Variants in KIAA0586 observed in about 807,000 individuals in gnomAD.
KIAA0586 encodes the protein protein TALPID3.
KIAA0586 carries 144 observed loss-of-function variants against 169.8 expected under a neutral mutation model. The ratio of observed to expected loss-of-function variants is 0.85; its 90% confidence interval spans 0.74 to 0.97. The LOEUF (loss-of-function observed/expected upper bound fraction) is 0.97. KIAA0586 is among the 50% of genes least tolerant of loss of function. The pLI is 0.00. For missense variants in KIAA0586, 1,854 were observed against 1,823.0 expected (o/e 1.02, Z -0.31); for synonymous variants, 625 against 612.4 (o/e 1.02, Z -0.30).
rs1198366043 is a variant in KIAA0586, at chr14:58,458,548, A to G, written c.1656+3A>G. ...AAACTATTTCTGCAGAAATTCAGGT[A>G]TGTCTTGGAAAAAAACTGAAAATTA... On this transcript the variant is annotated splice_donor_region_variant and intron_variant, in intron 12 of 30. Transcript: ENST00000652326. 4 of 1,509,292 alleles carry G rather than the reference A, an allele frequency of 2.7e-6. No individual in the cohort carries two copies. Among genetic ancestry groups the G allele is most frequent in the Non-Finnish European group, 2.7e-6 (3 of 1,117,668 alleles). 93.5% of individuals were successfully genotyped at this position (1,509,292 alleles called of 1,614,324 possible). A position where few individuals can be genotyped will look rare whatever the true frequency, so the allele number is the denominator to read the frequency against.
In KIAA0586 at chr14:58,459,798, C is replaced by G. The variant is rs766286372; in HGVS notation, c.1657-45C>G. 2.8e-6 allele frequency: 3 copies of G among 1,056,524 alleles called. No individual in the cohort carries two copies. The South Asian group carries it at 4.8e-5, about 17-fold the overall frequency. The allele number at this position is 1,056,524 out of a possible 1,614,324, so 65.4% of individuals were successfully genotyped here. ...AATACTTTCTGATGTGAAAGCATTA[C>G]TATTTGTAGACATTTTAAGTAATTT... On this transcript the variant is annotated intron_variant, in intron 12 of 30. Coordinates refer to ENST00000652326, the MANE Select transcript of KIAA0586 (RefSeq NM_001329943.3).
intron 6 of KIAA0586, among the ~76,000 whole-genome samples, chr14:58,446,014 G>A (rs986847866): frequency 6.7e-5 from 10 of 150,368 alleles, no homozygotes; most frequent in Admixed American, 1.3e-4. Flanking sequence ...GATTACAGAC[G>A]CCCACCACCA....
chr14:58,525,156 T>C (rs888661522), intron 29 of KIAA0586, among the ~76,000 whole-genome samples: 1 of 152,132 alleles, frequency 6.6e-6, no homozygotes, highest in African/African-American at 2.4e-5. Context: ...ATGCTAAAGA[T>C]GGTACATGTT....
intron 19 of KIAA0586, among the ~76,000 whole-genome samples, chr14:58,476,693 G>T (rs10130421): frequency 0.11 from 14,105 of 130,830 alleles, 983 homozygotes; most frequent in African/African-American, 0.21. Context: ...TTTGAGACAG[G>T]GTCTCACTCT....
chr14:58,537,883 C>G (rs374017224), intron 29 of KIAA0586, among the ~76,000 whole-genome samples: 20 of 152,236 alleles, frequency 1.3e-4, no homozygotes, highest in Non-Finnish European at 2.1e-4. Context: ...TCCTGACCTC[C>G]TGATCTTCCC....
At chr14:58,472,147 A>G in intron 17 of KIAA0586, 52 bp from the exon 18 acceptor site, 1 of 911,450 alleles carries the variant, frequency 1.1e-6, no homozygotes, top group Non-Finnish European at 1.6e-6. Context: ...AATTACTTAT[A>G]AATTTTAAAA....
chr14:58,558,580 T>C, the KIAA0586 span, among the ~76,000 whole-genome samples: 1 of 152,238 alleles, frequency 6.6e-6, no homozygotes, highest in African/African-American at 2.4e-5. Flanking sequence ...GTCTGATGAT[T>C]TTTGCATATG....
At chr14:58,462,691 TG>T (rs2040426117) in intron 14 of KIAA0586, among the ~76,000 whole-genome samples, 1 of 152,240 alleles carries the variant, frequency 6.6e-6, no homozygotes, top group Non-Finnish European at 1.5e-5. Flanking sequence ...ATTAAGAGCC[TG>T]TATTAGTTCA....
the KIAA0586 span, among the ~76,000 whole-genome samples, chr14:58,556,481 C>T: frequency 6.6e-6 from 1 of 152,164 alleles, no homozygotes; most frequent in African/African-American, 2.4e-5. Context: ...CTACTTTTGT[C>T]TATACATACC....
At chr14:58,556,233 C>T (rs954547632), downstream of KIAA0586, among the ~76,000 whole-genome samples, 1 of 152,234 alleles carries the variant, frequency 6.6e-6, no homozygotes, top group Non-Finnish European at 1.5e-5. Flanking sequence ...CATTCATCCA[C>T]TTGGGCAGAC....
intron 21 of KIAA0586, among the ~76,000 whole-genome samples, chr14:58,485,855 A>G (rs79818851): frequency 0.025 from 3,810 of 152,108 alleles, 65 homozygotes; most frequent in South Asian, 0.065. Context: ...AAAAAGGCTG[A>G]TTTTTTGGTA....
chr14:58,559,637 C>T, the KIAA0586 span, among the ~76,000 whole-genome samples: 1 of 152,270 alleles, frequency 6.6e-6, no homozygotes, highest in Admixed American at 6.5e-5. Flanking sequence ...CTTTCTCTTT[C>T]CTCTGTCCAT....
At chr14:58,458,986 A>G (rs981341003) in intron 12 of KIAA0586, among the ~76,000 whole-genome samples, 8 of 152,262 alleles carry the variant, frequency 5.3e-5, no homozygotes, top group South Asian at 2.1e-4. Flanking sequence ...CACAACCACA[A>G]TGGGCATGGT....
chr14:58,501,076 TA>T (rs1463232114), intron 27 of KIAA0586, among the ~76,000 whole-genome samples: 3 of 152,250 alleles, frequency 2.0e-5, no homozygotes, highest in Non-Finnish European at 2.9e-5. Context: ...GCTATATTCT[TA>T]TTATTGATTT....
intron 16 of KIAA0586, among the ~76,000 whole-genome samples, chr14:58,469,751 AAG>A (rs1232108396): frequency 3.3e-5 from 5 of 152,238 alleles, no homozygotes; most frequent in African/African-American, 1.2e-4. Flanking sequence ...GGACATGAAT[AAG>A]ACTCTACAAA....
chr14:58,480,993 T>C (rs570866658), intron 20 of KIAA0586, among the ~76,000 whole-genome samples: 16 of 152,224 alleles, frequency 1.1e-4, no homozygotes, highest in Non-Finnish European at 4.4e-5. Flanking sequence ...TTTGGGACCT[T>C]ATAAAAACGA....
rs1417828799 is a variant in KIAA0586 at position 58,505,793 on chromosome 14, T to TTGTTAGTTTTAAAGTTTTCTTGTTA, written c.4169-2762_4169-2761insTGTTAGTTTTAAAGTTTTCTTGTTA. ...CAGTTTTTCTTGTTAGTTTTAAAGC[T>TTGTTAGTTTTAAAGTTTTCTTGTTA]GTTTCTATAGTTTAGATGTTTTCTA... On this transcript the variant is annotated intron_variant, in intron 27 of 30. Transcript: ENST00000652326. 4.6e-4 allele frequency among the ~76,000 whole-genome samples: 70 copies of TTGTTAGTTTTAAAGTTTTCTTGTTA among 152,344 alleles called. No individual in the cohort carries two copies. The East Asian group carries it at 0.011, about 23-fold the overall frequency.
intron 29 of KIAA0586, among the ~76,000 whole-genome samples, chr14:58,534,859 T>C (rs1397212009): frequency 1.3e-5 from 2 of 152,216 alleles, no homozygotes; most frequent in Non-Finnish European, 2.9e-5. Flanking sequence ...CCATTTTAAC[T>C]TTTTTATGGA....
intron 10 of KIAA0586, among the ~76,000 whole-genome samples, chr14:58,457,425 A>C (rs2039959492): frequency 6.6e-6 from 1 of 151,892 alleles, no homozygotes; most frequent in Non-Finnish European, 1.5e-5. Flanking sequence ...GTGCCACCAC[A>C]CCTGGCTAAT....
Sources: gnomAD v4.1 joint callset for allele counts (sites outside exome capture counted in the v4.1 genomes callset) on GRCh38, gnomAD v4.1.1 for gene constraint, MANE v1.5 for transcripts, NCBI Gene and HGNC (gene_info 2026-07-23, HGNC 2026-07-21) for gene names.